Variants in GALNT14 observed in about 807,000 individuals in gnomAD.
The protein encoded by GALNT14 is UDP-GalNAc:polypeptide N-acetylgalactosaminyltransferase 14.
Under a neutral mutation model 77.5 loss-of-function variants are expected in GALNT14, and 60 were observed. The ratio of observed to expected loss-of-function variants is 0.77; its 90% confidence interval spans 0.63 to 0.96. The LOEUF (loss-of-function observed/expected upper bound fraction) is 0.96. Ranked by LOEUF, GALNT14 falls within the 40% of genes least tolerant of loss-of-function variation. GALNT14 has a pLI of 0.00. For synonymous variants in GALNT14, 280 were observed against 281.7 expected, an observed-to-expected ratio of 0.99 and a Z score of 0.06; for missense variants, 710 against 731.0, an observed-to-expected ratio of 0.97 and a Z score of 0.33.
chr2:31,107,016 G>T (rs776578289), intron 1 of GALNT14, among the ~76,000 whole-genome samples: 36 of 152,188 alleles, frequency 2.4e-4, no homozygotes, highest in Non-Finnish European at 4.0e-4. Flanking sequence ...CTGAATAGTG[G>T]TTACACAAAA....
chr2:30,933,537 G>A (rs189052104), intron 9 of GALNT14, among the ~76,000 whole-genome samples: 2 of 152,302 alleles, frequency 1.3e-5, no homozygotes, highest in East Asian at 3.9e-4. Context: ...CTGGACTGAG[G>A]TAAGACTTCT....
At chr2:30,975,675 G>T (rs1033136879) in intron 2 of GALNT14, among the ~76,000 whole-genome samples, 1 of 151,994 alleles carries the variant, frequency 6.6e-6, no homozygotes, top group Non-Finnish European at 1.5e-5. Flanking sequence ...GTCCTAAGTT[G>T]TCCCTGAACT....
intron 1 of GALNT14, among the ~76,000 whole-genome samples, chr2:31,010,927 A>G (rs1036435158): frequency 1.3e-5 from 2 of 152,242 alleles, no homozygotes; most frequent in Non-Finnish European, 2.9e-5. Flanking sequence ...TTTGCCTACA[A>G]AAAACTTTCA....
chr2:31,125,013 G>A (rs1302618803), intron 1 of GALNT14: 2 of 628,432 alleles, frequency 3.2e-6, no homozygotes, highest in South Asian at 1.9e-5. Context: ...AGAGCCTCCT[G>A]CTGGATGCAA....
chr2:31,079,076 A>T (rs1675994753), intron 1 of GALNT14: 1 of 1,245,150 alleles, frequency 8.0e-7, no homozygotes, highest in Non-Finnish European at 1.0e-6. Context: ...TCTAGAAAAC[A>T]TAAATACATG....
chr2:30,911,433 G>A (rs1033391591), intron 14 of GALNT14, among the ~76,000 whole-genome samples: 3 of 152,166 alleles, frequency 2.0e-5, no homozygotes, highest in African/African-American at 7.2e-5. Flanking sequence ...CAGCGAGTGT[G>A]ATGGCAGGAG....
intron 1 of GALNT14, among the ~76,000 whole-genome samples, chr2:31,108,524 T>C (rs995576535): frequency 5.3e-5 from 8 of 152,206 alleles, no homozygotes; most frequent in African/African-American, 1.9e-4. Context: ...CTCTCTTCCC[T>C]ATGCTACTCC....
chr2:30,976,210 C>G (rs994372809), intron 2 of GALNT14, among the ~76,000 whole-genome samples: 1 of 152,146 alleles, frequency 6.6e-6, no homozygotes, highest in Non-Finnish European at 1.5e-5. Flanking sequence ...AGCAAGTTGA[C>G]AGGGTTTTTC....
At chr2:31,076,629 ATTTT>A (rs35108670) in intron 1 of GALNT14, among the ~76,000 whole-genome samples, 137 of 101,916 alleles carry the variant, frequency 1.3e-3, no homozygotes, top group African/African-American at 3.8e-3. Flanking sequence ...ATATATATAT[ATTTT>A]TTTTTTTTTT....
At chr2:30,994,993 A>G (rs1293007585) in intron 1 of GALNT14, among the ~76,000 whole-genome samples, 3 of 152,126 alleles carry the variant, frequency 2.0e-5, no homozygotes, top group African/African-American at 4.8e-5. Context: ...TAAGGTGTCA[A>G]ATGAGTTCGA....
intron 1 of GALNT14, among the ~76,000 whole-genome samples, chr2:31,059,258 G>A (rs1004523319): frequency 1.3e-5 from 2 of 152,066 alleles, no homozygotes; most frequent in African/African-American, 4.8e-5. Flanking sequence ...TGAAAAAACA[G>A]TATTAGTTCT....
At chr2:31,018,496 T>C (rs370153879) in intron 1 of GALNT14, among the ~76,000 whole-genome samples, 1 of 152,014 alleles carries the variant, frequency 6.6e-6, no homozygotes, top group Non-Finnish European at 1.5e-5. Context: ...CCATCAGATG[T>C]CATAAGAACT....
chr2:30,956,333 T>C (rs1355768705), intron 4 of GALNT14, among the ~76,000 whole-genome samples: 1 of 152,206 alleles, frequency 6.6e-6, no homozygotes, highest in Non-Finnish European at 1.5e-5. Context: ...CTTTAAACAA[T>C]TTTTAATTTA....
intron 1 of GALNT14, among the ~76,000 whole-genome samples, chr2:30,996,470 C>A (rs150537963): frequency 6.6e-6 from 1 of 152,364 alleles, no homozygotes; most frequent in East Asian, 1.9e-4. Flanking sequence ...GGGTCATTGC[C>A]TCCCTGTGCT....
At position 30,987,696 on chromosome 2, in the gene GALNT14, G is replaced by A. The variant is rs1294034577; in HGVS notation, c.299+5142C>T. On this transcript the variant is annotated intron_variant, in intron 2 of 14. Coordinates refer to ENST00000349752, the MANE Select transcript of GALNT14 (RefSeq NM_024572.4). ...CTGCCTGCTGGGTGAAACTTCTACA[G>A]CCTTCCTCCTCCCTCCCCCTCCTCC... Among the ~76,000 whole-genome samples, 4 of 130,106 alleles carry A rather than the reference G, an allele frequency of 3.1e-5. No homozygotes were observed. The East Asian group carries it at 9.6e-4, about 31-fold the overall frequency. The allele number at this position is 130,106 out of a possible 152,430, so 85.4% of individuals were successfully genotyped here.
intron 1 of GALNT14, among the ~76,000 whole-genome samples, chr2:31,010,176 C>T (rs1212803932): frequency 1.3e-5 from 2 of 152,162 alleles, no homozygotes; most frequent in Non-Finnish European, 2.9e-5. Flanking sequence ...TTAGTAGAGA[C>T]GGGGTTTCAC....
chr2:30,989,534 T>TAGA, intron 2 of GALNT14, among the ~76,000 whole-genome samples: 1 of 136,622 alleles, frequency 7.3e-6, no homozygotes, highest in Non-Finnish European at 1.5e-5. Flanking sequence ...ATTTGAAAAA[T>TAGA]ATTTACTATT....
At chr2:31,108,801 C>T (rs929481298) in intron 1 of GALNT14, among the ~76,000 whole-genome samples, 1 of 152,158 alleles carries the variant, frequency 6.6e-6, no homozygotes, top group South Asian at 2.1e-4. Context: ...GCATTCCTGT[C>T]GGCAGCTCCC....
chr2:30,912,252 C>G lies in GALNT14; in HGVS notation c.1471G>C (p.Val491Leu). Reference sequence around the variant, plus strand: ...CGGTCATCTCCATTCTTGCAAAGGACAAGAACCACTGGGGCGCCAGGGAAC... The same window carrying G: ...CGGTCATCTCCATTCTTGCAAAGGAGAAGAACCACTGGGGCGCCAGGGAAC... ...TLFPGAPVVL[V>L]LCKNGDDRQQ... Residue 491 changes from valine to leucine, a missense_variant, in exon 14 of 15, where the codon GTC (valine) becomes CTC (leucine). Transcript: ENST00000349752. The G allele has an allele frequency of 6.2e-7, 1 of 1,614,168 alleles. No homozygotes were observed. The highest frequency in any genetic ancestry group is 8.5e-7 in the Non-Finnish European group (1 of 1,180,028).
Sources: gnomAD v4.1 joint callset for allele counts (sites outside exome capture counted in the v4.1 genomes callset) on GRCh38, gnomAD v4.1.1 for gene constraint, MANE v1.5 for transcripts, NCBI Gene and HGNC (gene_info 2026-07-23, HGNC 2026-07-21) for gene names.